Variants in BCKDHB observed in about 807,000 individuals in gnomAD.
BCKDHB encodes the protein branched chain keto acid dehydrogenase E1 subunit beta, also known as 2-oxoisovalerate dehydrogenase subunit beta, mitochondrial.
In BCKDHB, 41 loss-of-function variants were observed where a neutral mutation model predicts 48.5. That is an observed-to-expected ratio of 0.85 (90% CI 0.66 to 1.10). The LOEUF (loss-of-function observed/expected upper bound fraction) is 1.10. BCKDHB is among the 50% of genes least tolerant of loss of function. The pLI is 0.00. For synonymous variants in BCKDHB, 201 were observed against 174.8 expected, an observed-to-expected ratio of 1.15 and a Z score of -1.18; for missense variants, 496 against 494.2, an observed-to-expected ratio of 1.00 and a Z score of -0.03.
chr6:80,425,881 A>G, the BCKDHB span, among the ~76,000 whole-genome samples: 1 of 152,222 alleles, frequency 6.6e-6, no homozygotes, highest in South Asian at 2.1e-4. Context: ...CTTTGCACAG[A>G]GGCTGAGGGT....
intron 9 of BCKDHB, among the ~76,000 whole-genome samples, chr6:80,304,179 G>T (rs1212596304): frequency 1.3e-5 from 2 of 152,076 alleles, no homozygotes; most frequent in African/African-American, 2.4e-5. Flanking sequence ...CAATACTGTG[G>T]TATTTTTGTA....
rs557235871 is a variant in BCKDHB at position 80,125,417 on chromosome 6, T to C, written c.197-2130T>C. ...TTTTGCTTTCTTATCATTTGTGTGC[T>C]TACTGGAATAACAGTTTACATTTTC... On this transcript the variant is annotated intron_variant, in intron 1 of 9. Coordinates refer to ENST00000320393, the MANE Select transcript of BCKDHB (RefSeq NM_183050.4). 1.2e-3 allele frequency among the ~76,000 whole-genome samples: 182 copies of C among 152,244 alleles called. 2 individuals are homozygous for C. The highest frequency in any genetic ancestry group is 1.4e-3 in the Non-Finnish European group (94 of 68,042).
chr6:80,323,580 TC>T (rs944025834), intron 9 of BCKDHB, among the ~76,000 whole-genome samples: 1 of 152,172 alleles, frequency 6.6e-6, no homozygotes, highest in Non-Finnish European at 1.5e-5. Context: ...GGCCAGTTTT[TC>T]ATACAGTGAT....
intron 9 of BCKDHB, among the ~76,000 whole-genome samples, chr6:80,341,855 A>G (rs1769922470): frequency 6.6e-6 from 1 of 152,184 alleles, no homozygotes; most frequent in African/African-American, 2.4e-5. Context: ...CAAATTGACA[A>G]TTTAAAGCCC....
At chr6:80,166,379 G>A (rs1772567996) in intron 3 of BCKDHB, among the ~76,000 whole-genome samples, 1 of 152,106 alleles carries the variant, frequency 6.6e-6, no homozygotes, top group East Asian at 1.9e-4. Context: ...TTTCTAGCCA[G>A]GCCCGGTAGC....
intron 8 of BCKDHB, among the ~76,000 whole-genome samples, chr6:80,215,388 AT>A (rs1775124259): frequency 2.0e-5 from 3 of 152,310 alleles, no homozygotes; most frequent in Non-Finnish European, 2.9e-5. Flanking sequence ...GTTGGATGCT[AT>A]ATTGGGATGT....
chr6:80,418,844 T>G, the BCKDHB span, among the ~76,000 whole-genome samples: 1 of 152,284 alleles, frequency 6.6e-6, no homozygotes, highest in East Asian at 1.9e-4. Flanking sequence ...TCTGTGGGTG[T>G]TCATCACGGT....
At chr6:80,447,448 G>GTT in the BCKDHB span, among the ~76,000 whole-genome samples, 1 of 88,830 alleles carries the variant, frequency 1.1e-5, no homozygotes, top group East Asian at 2.3e-4. Flanking sequence ...AATATATACA[G>GTT]TTATATATAT....
At chr6:80,430,925 T>G in the BCKDHB span, among the ~76,000 whole-genome samples, 1 of 151,804 alleles carries the variant, frequency 6.6e-6, no homozygotes, top group Admixed American at 6.6e-5. Context: ...GTGTAGATTT[T>G]ATATCTTTCC....
the BCKDHB span, among the ~76,000 whole-genome samples, chr6:80,358,100 A>G: frequency 1.3e-5 from 2 of 151,326 alleles, no homozygotes; most frequent in African/African-American, 4.9e-5. Context: ...ACAATTGTAT[A>G]TGTCATTTTT....
intron 8 of BCKDHB, among the ~76,000 whole-genome samples, chr6:80,211,331 C>T (rs527884392): frequency 2.6e-5 from 4 of 152,084 alleles, no homozygotes; most frequent in Non-Finnish European, 4.4e-5. Flanking sequence ...TCTGGTGTGT[C>T]CTGCCTCCCA....
the BCKDHB span, among the ~76,000 whole-genome samples, chr6:80,394,179 G>A: frequency 6.6e-6 from 1 of 152,068 alleles, no homozygotes; most frequent in Non-Finnish European, 1.5e-5. Context: ...CTTGGAAAGT[G>A]TCTGTTCATT....
At chr6:80,186,535 G>A (rs773407088) in intron 6 of BCKDHB, among the ~76,000 whole-genome samples, 14 of 152,186 alleles carry the variant, frequency 9.2e-5, no homozygotes, top group Non-Finnish European at 1.6e-4. Flanking sequence ...GCCCTTTTCC[G>A]TCTGCCTGCA....
intron 8 of BCKDHB, among the ~76,000 whole-genome samples, chr6:80,269,997 A>G (rs1169321882): frequency 1.3e-5 from 2 of 152,124 alleles, no homozygotes; most frequent in Non-Finnish European, 2.9e-5. Flanking sequence ...ATATCTAATT[A>G]AAATAGACAG....
the BCKDHB span, among the ~76,000 whole-genome samples, chr6:80,391,102 C>T: frequency 2.6e-5 from 4 of 152,056 alleles, no homozygotes; most frequent in Admixed American, 6.6e-5. Context: ...CAAGCAGCCT[C>T]AAGCTTACAG....
chr6:80,302,866 A>C (rs1403329341), intron 9 of BCKDHB, among the ~76,000 whole-genome samples: 1 of 152,182 alleles, frequency 6.6e-6, no homozygotes, highest in East Asian at 1.9e-4. Flanking sequence ...CTGTAAAACA[A>C]ACATTGCAAT....
chr6:80,308,069 T>A, intron 9 of BCKDHB: 1 of 296,478 alleles, frequency 3.4e-6, no homozygotes, highest in Non-Finnish European at 5.0e-6. Context: ...ATATATGAAT[T>A]AATTATAATA....
At chr6:80,214,181 G>T (rs1156660400) in intron 8 of BCKDHB, among the ~76,000 whole-genome samples, 1 of 152,106 alleles carries the variant, frequency 6.6e-6, no homozygotes, top group African/African-American at 2.4e-5. Flanking sequence ...AGCTGGAATG[G>T]GGAAGGAGTC....
intron 3 of BCKDHB, among the ~76,000 whole-genome samples, chr6:80,164,693 T>C (rs1772486804): frequency 6.6e-6 from 1 of 152,236 alleles, no homozygotes; most frequent in South Asian, 2.1e-4. Flanking sequence ...TTATAATTTT[T>C]CTATTACACA....
Sources: gnomAD v4.1 joint callset for allele counts (sites outside exome capture counted in the v4.1 genomes callset) on GRCh38, gnomAD v4.1.1 for gene constraint, MANE v1.5 for transcripts, NCBI Gene and HGNC (gene_info 2026-07-23, HGNC 2026-07-21) for gene names.